CDH18: variants seen among roughly 807,000 people sequenced by gnomAD.
CDH18 encodes cadherin 18, also known as cadherin-18.
In CDH18, 31 loss-of-function variants were observed where a neutral mutation model predicts 67.9. The observed-to-expected ratio is 0.46, with a 90% CI of 0.34 to 0.62. The LOEUF (loss-of-function observed/expected upper bound fraction) is 0.62. Among genes scored for constraint, CDH18 ranks in the 20% least tolerant of loss-of-function variants. CDH18 has a pLI of 0.01. For missense variants in CDH18, 890 were observed against 975.5 expected, an observed-to-expected ratio of 0.91 and a Z score of 1.17; for synonymous variants, 362 against 347.2, an observed-to-expected ratio of 1.04 and a Z score of -0.48.
At chr5:20,446,413 A>G (rs1750008438) in intron 1 of CDH18, among the ~76,000 whole-genome samples, 1 of 152,218 alleles carries the variant, frequency 6.6e-6, no homozygotes, top group African/African-American at 2.4e-5. Context: ...CCCACTCCGC[A>G]GGCCAAGGAT....
chr5:19,800,645 G>GA (rs1777363071), intron 3 of CDH18, among the ~76,000 whole-genome samples: 1 of 152,070 alleles, frequency 6.6e-6, no homozygotes, highest in African/African-American at 2.4e-5. Context: ...GAGGACAAGG[G>GA]AAAAAGAGGT....
At chr5:20,293,153 C>T (rs951987277) in intron 1 of CDH18, among the ~76,000 whole-genome samples, 3 of 152,050 alleles carry the variant, frequency 2.0e-5, no homozygotes, top group African/African-American at 7.2e-5. Flanking sequence ...TCTGTCTCTA[C>T]TAAAAATACA....
intron 2 of CDH18, among the ~76,000 whole-genome samples, chr5:19,952,982 C>G (rs1469503038): frequency 6.6e-6 from 1 of 151,952 alleles, no homozygotes; most frequent in Non-Finnish European, 1.5e-5. Context: ...GGAAATTAGA[C>G]TAGCAAACAC....
At chr5:20,442,111 G>A (rs549821044) in intron 1 of CDH18, among the ~76,000 whole-genome samples, 1 of 151,860 alleles carries the variant, frequency 6.6e-6, no homozygotes, top group East Asian at 1.9e-4. Context: ...TAAAACAGTG[G>A]CTGCATTACA....
At chr5:19,938,321 G>T (rs1195336302) in intron 2 of CDH18, among the ~76,000 whole-genome samples, 1 of 151,026 alleles carries the variant, frequency 6.6e-6, no homozygotes, top group Non-Finnish European at 1.5e-5. Context: ...TTAGACTTCA[G>T]ACTTCCTGAC....
At chr5:19,989,739 G>A (rs1028272029), upstream of CDH18, among the ~76,000 whole-genome samples, 4 of 152,154 alleles carry the variant, frequency 2.6e-5, no homozygotes, top group Admixed American at 2.0e-4. Flanking sequence ...TGACTATTTT[G>A]CTTGAGTGAT....
At position 19,736,612 on chromosome 5, in the gene CDH18, GTGTT is replaced by G. The variant is rs1414106558; in HGVS notation, c.523+10326_523+10329del. 5.3e-5 allele frequency among the ~76,000 whole-genome samples: 8 copies of G among 152,052 alleles called. 1 individual carries two copies. Among genetic ancestry groups the G allele is most frequent in the African/African-American group, 1.9e-4 (8 of 41,468 alleles). ...TTATATTTTTCTAGTTTTTTTGTGT[GTGTT>G]TGTTTTCTATACTACGTAATAAATT... On this transcript the variant is annotated intron_variant, in intron 4 of 12. Transcript: ENST00000382275.
At chr5:20,325,593 G>C (rs1665531957) in intron 1 of CDH18, among the ~76,000 whole-genome samples, 1 of 151,322 alleles carries the variant, frequency 6.6e-6, no homozygotes, top group Admixed American at 6.6e-5. Context: ...TTTGCCTTCT[G>C]TCTTTTATTT....
At position 19,810,803 on chromosome 5, in the gene CDH18, AC is replaced by A. The variant is rs369995915; in HGVS notation, c.228+27955del. Reference sequence around the variant, plus strand: ...TTTGAGACTCTGAGGCTGTTGGATCACTTGAGGTCAGGAGTTCAAGACTAGC... The same window carrying A: ...TTTGAGACTCTGAGGCTGTTGGATCATTGAGGTCAGGAGTTCAAGACTAGC... On this transcript the variant is annotated intron_variant, in intron 3 of 12. Coordinates refer to ENST00000382275, the MANE Select transcript of CDH18 (RefSeq NM_004934.5). 3.9e-3 allele frequency among the ~76,000 whole-genome samples: 592 copies of A among 152,114 alleles called. 1 individual carries two copies. The highest frequency in any genetic ancestry group is 0.014 in the African/African-American group (571 of 41,498).
At chr5:19,838,384 T>G (rs1001043083) in intron 3 of CDH18, among the ~76,000 whole-genome samples, 10 of 152,154 alleles carry the variant, frequency 6.6e-5, no homozygotes, top group African/African-American at 2.2e-4. Context: ...TAGCAGTAAA[T>G]GTCAGTGTGC....
chr5:20,127,320 A>G lies in CDH18; in HGVS notation c.-518+128124T>C, dbSNP rs192890155. Among the ~76,000 whole-genome samples, 94 of 152,088 alleles carry G rather than the reference A, an allele frequency of 6.2e-4. 1 individual carries two copies. The highest frequency in any genetic ancestry group is 2.3e-3 in the African/African-American group (94 of 41,438). On this transcript the variant is annotated intron_variant, in intron 2 of 14. Coordinates refer to the CDH18 transcript ENST00000507958. Reference sequence around the variant, plus strand: ...CTTCCCCAGCCATGCTGCCTGTACAACCTACAGAGCTGTGAGTCAATGAAG... The same window carrying G: ...CTTCCCCAGCCATGCTGCCTGTACAGCCTACAGAGCTGTGAGTCAATGAAG...
intron 1 of CDH18, among the ~76,000 whole-genome samples, chr5:20,400,478 AAAAT>A (rs527243013): frequency 1.3e-5 from 2 of 151,590 alleles, no homozygotes; most frequent in African/African-American, 2.4e-5. Context: ...GCTTCATCTC[AAAAT>A]AAATAAATAA....
At chr5:19,639,462 C>G (rs748828694) in intron 5 of CDH18, among the ~76,000 whole-genome samples, 2 of 152,202 alleles carry the variant, frequency 1.3e-5, no homozygotes, top group Non-Finnish European at 2.9e-5. Context: ...AGAGCCATAG[C>G]TGTCCCAAAC....
At chr5:20,093,739 C>T (rs1460770040) in intron 2 of CDH18, among the ~76,000 whole-genome samples, 1 of 152,092 alleles carries the variant, frequency 6.6e-6, no homozygotes, top group Non-Finnish European at 1.5e-5. Context: ...CTATGAGTTG[C>T]ATTTCTTTTC....
intron 2 of CDH18, among the ~76,000 whole-genome samples, chr5:20,157,862 G>T (rs572006196): frequency 3.3e-5 from 5 of 151,876 alleles, no homozygotes; most frequent in African/African-American, 1.2e-4. Flanking sequence ...GGATGGTCTC[G>T]ATCTCCTGAC....
chr5:19,881,463 T>C (rs62352213), intron 2 of CDH18, among the ~76,000 whole-genome samples: 44,827 of 151,602 alleles, frequency 0.3, 7,750 homozygotes, highest in South Asian at 0.4. Flanking sequence ...TCTAGTCTAA[T>C]GTTCATTATT....
chr5:19,503,833 A>C (rs1458993666), intron 10 of CDH18, among the ~76,000 whole-genome samples: 1 of 152,154 alleles, frequency 6.6e-6, no homozygotes, highest in Non-Finnish European at 1.5e-5. Context: ...GTCTGCTCTT[A>C]AAAAATAAAT....
At chr5:19,969,236 A>G (rs1579868011) in intron 2 of CDH18, among the ~76,000 whole-genome samples, 1 of 144,908 alleles carries the variant, frequency 6.9e-6, no homozygotes, top group Non-Finnish European at 1.5e-5. Flanking sequence ...ACACTTTTAC[A>G]CTGTTGGTGG....
intron 5 of CDH18, among the ~76,000 whole-genome samples, chr5:19,666,641 A>T (rs1757998052): frequency 1.3e-5 from 2 of 152,098 alleles, no homozygotes; most frequent in Admixed American, 6.6e-5. Flanking sequence ...CAGAAACAGC[A>T]CTATGTCTAT....
Sources: allele counts gnomAD v4.1 joint callset (sites outside exome capture counted in the v4.1 genomes callset), GRCh38; gene constraint gnomAD v4.1.1; transcripts MANE v1.5; gene names NCBI Gene and HGNC (gene_info 2026-07-23, HGNC 2026-07-21).